SPTA1: variants seen among roughly 807,000 people sequenced by gnomAD.
SPTA1 encodes the protein spectrin alpha chain, erythrocytic 1.
SPTA1 carries 177 observed loss-of-function variants against 324.7 expected under a neutral mutation model. The ratio of observed to expected loss-of-function variants is 0.55; its 90% CI spans 0.48 to 0.62. The LOEUF (loss-of-function observed/expected upper bound fraction) is 0.62, where lower values mean the gene tolerates loss of function less well. Among genes scored for constraint, SPTA1 ranks in the 20% least tolerant of loss-of-function variants. SPTA1 has a pLI of 0.00. For synonymous variants in SPTA1, 1,195 were observed against 1,041.3 expected, an observed-to-expected ratio of 1.15 and a Z score of -2.84; for missense variants, 3,162 against 2,883.6, an observed-to-expected ratio of 1.10 and a Z score of -2.21.
chr1:158,662,960 G>A lies in SPTA1; in HGVS notation c.2221-15C>T, dbSNP rs758371178. 15 of 1,613,730 alleles carry A rather than the reference G, an allele frequency of 9.3e-6. No homozygotes were observed. The highest frequency in any genetic ancestry group is 1.3e-5 in the African/African-American group (1 of 74,994). ...TCCACCTGATCCTAAGGGAGAAATAGAATGAATGCGAAGAAATCCCATCAT... is the reference window on the plus strand; with the variant it reads ...TCCACCTGATCCTAAGGGAGAAATAAAATGAATGCGAAGAAATCCCATCAT... On this transcript the variant is annotated splice_polypyrimidine_tract_variant and intron_variant, in intron 16 of 51. Coordinates refer to ENST00000643759, the MANE Select transcript of SPTA1 (RefSeq NM_003126.4).
At position 158,674,526 on chromosome 1, in the gene SPTA1, C is replaced by T. The variant is rs371138781; in HGVS notation, c.1248+14G>A. 67 of 1,613,954 alleles carry T rather than the reference C, an allele frequency of 4.2e-5. No individual in the cohort carries two copies. In the Middle Eastern group the frequency reaches 6.6e-4, roughly 16 times the overall value. On this transcript the variant is annotated intron_variant, in intron 9 of 51. Coordinates refer to ENST00000643759, the MANE Select transcript of SPTA1 (RefSeq NM_003126.4). ...CCTGCCCCCTCCTCCTACTGGGCAG[C>T]CTTTCTTCTCTACCTTATGCTGCTG...
rs913409763 is a variant in SPTA1 at position 158,678,632 on chromosome 1, A to C, written c.679-98T>G. ...ATTTTACATTAGTTCATACTTTTAC[A>C]GAAGTGAAAACTGACCATTGTAGCC... On this transcript the variant is annotated intron_variant, in intron 5 of 51. Transcript: ENST00000643759. The C allele has an allele frequency of 4.2e-6, 6 of 1,434,306 alleles. No homozygotes were observed. The African/African-American group carries it at 5.7e-5, about 14-fold the overall frequency. The allele number at this position is 1,434,306 out of a possible 1,614,324, so 88.8% of individuals were successfully genotyped here.
chr1:158,633,436 G>A (rs1265090555), intron 39 of SPTA1, among the ~76,000 whole-genome samples: 1 of 151,972 alleles, frequency 6.6e-6, no homozygotes, highest in Non-Finnish European at 1.5e-5. Context: ...TGAGGTGGGT[G>A]GATCACGAGG....
At chr1:158,614,619 C>A in intron 48 of SPTA1, 1 of 284,066 alleles carries the variant, frequency 3.5e-6, no homozygotes, top group South Asian at 6.2e-5. Context: ...AACATGGCCA[C>A]GGTCATTCAC....
chr1:158,628,567 C>A (rs1027858109), intron 39 of SPTA1, among the ~76,000 whole-genome samples: 2 of 152,092 alleles, frequency 1.3e-5, no homozygotes, highest in African/African-American at 4.8e-5. Flanking sequence ...TATATTATGA[C>A]TGTATTACAT....
At chr1:158,620,548 C>T in intron 43 of SPTA1, 82 bp from the exon 44 acceptor site, 1 of 1,554,478 alleles carries the variant, frequency 6.4e-7, no homozygotes. Context: ...AAAAATAATG[C>T]CTGTCTTTAA....
chr1:158,657,475 A>AAAAC lies in SPTA1; in HGVS notation c.2805+1_2805+2insGTTT. Reference sequence around the variant, plus strand: ...ACAATGTTAAACCCACCCCCACCTTACCCCAGCTGCTTCTTCATCAGCACC... The same window carrying AAAAC: ...ACAATGTTAAACCCACCCCCACCTTAAAACCCCCAGCTGCTTCTTCATCAGCACC... On this transcript the variant is annotated splice_donor_variant, in intron 19 of 51. Transcript: ENST00000643759. LOFTEE classifies it high-confidence loss of function. 2 of 1,570,570 alleles carry AAAAC rather than the reference A, an allele frequency of 1.3e-6. No homozygotes were observed. Among genetic ancestry groups the AAAAC allele is most frequent in the Non-Finnish European group, 1.8e-6 (2 of 1,142,128 alleles).
In SPTA1 at chr1:158,612,825, T is replaced by C; in HGVS notation, c.7126A>G (p.Met2376Val). The part of the protein sequence containing the change: ...EGKSYITKED[M>V]KQALTPEQVS... Reference sequence around the variant, plus strand: ...AGCAACCAGAATCGGACCTGCTTCATGTCTTCTTTGGTAATATATGACTTG... The same window carrying C: ...AGCAACCAGAATCGGACCTGCTTCACGTCTTCTTTGGTAATATATGACTTG... Residue 2376 changes from methionine to valine, a missense_variant, in exon 51 of 52, where the codon ATG (methionine) becomes GTG (valine). Met to Val is a conservative substitution (Grantham distance 21, BLOSUM62 1). Transcript: ENST00000643759. 6.2e-7 allele frequency: 1 copy of C among 1,613,904 alleles called. No homozygotes were observed. Among genetic ancestry groups the C allele is most frequent in the Non-Finnish European group, 8.5e-7 (1 of 1,179,838 alleles).
chr1:158,645,495 C>T lies in SPTA1; in HGVS notation c.3996G>A (p.Gln1332=). 6.2e-7 allele frequency: 1 copy of T among 1,613,936 alleles called. No individual in the cohort carries two copies. The highest frequency in any genetic ancestry group is 8.5e-7 in the Non-Finnish European group (1 of 1,179,910). ...GTGGCTGTGACTTTTGTAGTTTTAC[C>T]TGATGTCTCTCCAGCAAGATCTCTA... ...TGIEILLERH[Q]EHRADMEAEA... The change falls in exon 28 of 52, where the codon CAG becomes CAA. Residue 1332 remains glutamine (Q), a splice_region_variant and synonymous_variant. Coordinates refer to ENST00000643759, the MANE Select transcript of SPTA1 (RefSeq NM_003126.4).
At chr1:158,642,676 C>A in intron 32 of SPTA1, 134 bp from the exon 33 acceptor site, 1 of 1,562,038 alleles carries the variant, frequency 6.4e-7, no homozygotes. Flanking sequence ...GAACCTGCTC[C>A]ACATCAGACT....
At chr1:158,636,178 G>A in intron 37 of SPTA1, 144 bp from the exon 38 acceptor site, 1 of 1,432,256 alleles carries the variant, frequency 7.0e-7, no homozygotes, top group Non-Finnish European at 9.7e-7. Context: ...TGAAAGTCCA[G>A]GGAGAATGAT....
At chr1:158,620,519 A>G in intron 43 of SPTA1, 53 bp from the exon 44 acceptor site, 1 of 1,606,216 alleles carries the variant, frequency 6.2e-7, no homozygotes. Flanking sequence ...GCCTCTCAGC[A>G]GAAGAGAAGA....
At position 158,611,336 on chromosome 1, in the gene SPTA1, C is replaced by T. The variant is rs376052117; in HGVS notation, c.7188G>A (p.Met2396Ile). ...SFCATHMQQY[M>I]DPRGRSHLSG... ...AGAGATGGCTTCGACCCCGTGGGTC[C>T]ATATATTGCTGCATATGTGTGGCAC... The change falls in exon 52 of 52, where the codon ATG becomes ATA. Residue 2396 changes from methionine (M) to isoleucine (I), a missense_variant. Coordinates refer to ENST00000643759, the MANE Select transcript of SPTA1 (RefSeq NM_003126.4). 6.2e-7 allele frequency: 1 copy of T among 1,613,750 alleles called. No individual in the cohort carries two copies. Among genetic ancestry groups the T allele is most frequent in the South Asian group, 1.1e-5 (1 of 91,084 alleles).
Position 158,642,781 on chromosome 1 carries a change from T to G in SPTA1, c.4605+33A>C. Reference sequence around the variant, plus strand: ...TATCCAACCAACAAGCTCGGAATGGTGAAATTTTCCAAGATTCCTATTTTG... The same window carrying G: ...TATCCAACCAACAAGCTCGGAATGGGGAAATTTTCCAAGATTCCTATTTTG... On this transcript the variant is annotated intron_variant, in intron 32 of 51. Transcript: ENST00000643759. 1.9e-6 allele frequency: 3 copies of G among 1,613,712 alleles called. No homozygotes were observed. In the South Asian group the frequency reaches 3.3e-5, roughly 18 times the overall value.
chr1:158,667,998 T>C lies in SPTA1; in HGVS notation c.1898A>G (p.Asn633Ser), dbSNP rs1653731918. Reference protein sequence around the residue: ...QQVFEKELAVNKTQLENIQKT... With the variant: ...QQVFEKELAVSKTQLENIQKT... ...CTGTATGTTTTCCAGCTGGGTCTTA[T>C]TAACTGCCAACTCCTTTTCAAAGAC... The change falls in exon 15 of 52, where the codon AAT becomes AGT. Residue 633 changes from asparagine (N) to serine (S), a missense_variant. Asn to Ser is a conservative substitution (Grantham distance 46, BLOSUM62 1). Coordinates refer to ENST00000643759, the MANE Select transcript of SPTA1 (RefSeq NM_003126.4). 1 of 1,613,774 alleles carries C rather than the reference T, an allele frequency of 6.2e-7. No individual in the cohort carries two copies. Among genetic ancestry groups the C allele is most frequent in the Non-Finnish European group, 8.5e-7 (1 of 1,179,966 alleles).
intron 43 of SPTA1, among the ~76,000 whole-genome samples, chr1:158,622,511 T>C (rs1472701371): frequency 6.6e-6 from 1 of 152,192 alleles, no homozygotes; most frequent in Admixed American, 6.5e-5. Flanking sequence ...AGAATGGTGA[T>C]GCTACTCAAT....
rs77172560 is a variant in SPTA1, at chr1:158,621,902, C to T, written c.6120+1081G>A. ...TTTTTGAGATGGAGTCTTGCTCTGT[C>T]GCTCAGGCTGGAGTACAGTGGCCGC... On this transcript the variant is annotated intron_variant, in intron 43 of 51. Transcript: ENST00000643759. Among the ~76,000 whole-genome samples the T allele has an allele frequency of 9.1e-3, 1,392 of 152,272 alleles. 19 individuals carry two copies. The highest frequency in any genetic ancestry group is 0.032 in the African/African-American group (1,314 of 41,542).
intron 18 of SPTA1, 78 bp downstream of exon 18, chr1:158,661,209 A>T: frequency 6.2e-7 from 1 of 1,604,924 alleles, no homozygotes; most frequent in Non-Finnish European, 8.5e-7. Context: ...TTCCCTTGAA[A>T]CCCTAGGATA....
At chr1:158,683,148 G>C (rs1323376356) in intron 3 of SPTA1, among the ~76,000 whole-genome samples, 1 of 152,090 alleles carries the variant, frequency 6.6e-6, no homozygotes, top group East Asian at 1.9e-4. Context: ...TGTTATAGGA[G>C]GAATTTTATG....
Sources: gnomAD v4.1 joint callset for allele counts (sites outside exome capture counted in the v4.1 genomes callset) on GRCh38, gnomAD v4.1.1 for gene constraint, MANE v1.5 for transcripts, NCBI Gene and HGNC (gene_info 2026-07-23, HGNC 2026-07-21) for gene names.